Variants in LGR5 observed in about 807,000 individuals in gnomAD.
LGR5 encodes leucine-rich repeat-containing G protein-coupled receptor 5.
LGR5 carries 54 observed loss-of-function variants against 76.7 expected under a neutral mutation model. The observed-to-expected ratio is 0.70, with a 90% CI of 0.57 to 0.88. The LOEUF (loss-of-function observed/expected upper bound fraction) is 0.88. LGR5 is among the 40% of genes least tolerant of loss of function. The pLI, the probability that LGR5 is intolerant of heterozygous loss-of-function variation, is 0.00. For missense variants in LGR5, 1,078 were observed against 1,073.3 expected, an observed-to-expected ratio of 1.00 and a Z score of -0.06; for synonymous variants, 406 against 421.9, an observed-to-expected ratio of 0.96 and a Z score of 0.46.
chr12:71,443,718 T>G (rs1266921467), intron 1 of LGR5, among the ~76,000 whole-genome samples: 1 of 152,198 alleles, frequency 6.6e-6, no homozygotes, highest in Non-Finnish European at 1.5e-5. Flanking sequence ...GTCTGTCTAG[T>G]TAGTGTGACA....
At chr12:71,523,113 C>T (rs1875806068) in intron 2 of LGR5, among the ~76,000 whole-genome samples, 3 of 152,268 alleles carry the variant, frequency 2.0e-5, no homozygotes, top group Admixed American at 6.5e-5. Flanking sequence ...ATAAGCGTAG[C>T]ATTTCTTTAA....
chr12:71,560,288 A>G (rs981002904), intron 7 of LGR5, among the ~76,000 whole-genome samples: 2 of 152,230 alleles, frequency 1.3e-5, no homozygotes, highest in Non-Finnish European at 2.9e-5. Flanking sequence ...CTATATTCTT[A>G]TAATAAAGTA....
At position 71,440,898 on chromosome 12, in the gene LGR5, C is replaced by G. The variant is rs574441847; in HGVS notation, c.212+606C>G. ...TTTTATTTTCTTTCTTTTTTAACGG[C>G]GTGATTAAAATGTGGCAACCACAAA... On this transcript the variant is annotated intron_variant, in intron 1 of 17. Coordinates refer to ENST00000266674, the MANE Select transcript of LGR5 (RefSeq NM_003667.4). The surrounding 1 kb of genome is among the most constrained non-coding windows in gnomAD (Gnocchi z 5.3). Among the ~76,000 whole-genome samples the G allele has an allele frequency of 1.1e-4, 16 of 151,920 alleles. No homozygotes were observed. The highest frequency in any genetic ancestry group is 2.0e-4 in the Admixed American group (3 of 15,262).
intron 11 of LGR5, 138 bp downstream of exon 11, chr12:71,567,050 T>C: frequency 1.4e-6 from 1 of 692,000 alleles, no homozygotes; most frequent in South Asian, 1.6e-5. Context: ...CAAGCCTCCT[T>C]TGCCCTCTTT....
At chr12:71,492,107 A>AT (rs1353071041) in intron 1 of LGR5, among the ~76,000 whole-genome samples, 1 of 151,918 alleles carries the variant, frequency 6.6e-6, no homozygotes, top group Non-Finnish European at 1.5e-5. Context: ...AGGACTTATC[A>AT]TTTTTTCTGT....
Position 71,584,186 on chromosome 12 carries a change from A to G in LGR5, c.2176A>G (p.Met726Val), listed in dbSNP as rs1191918639. ...TGGGGAGCCCAGCACCATGGGCTAC[A>G]TGGTCGCTCTCATCTTGCTCAATTC... The part of the protein sequence containing the change: ...PFGEPSTMGY[M>V]VALILLNSLC... The change falls in exon 18 of 18, where the codon ATG becomes GTG. Residue 726 changes from methionine (M) to valine (V), a missense_variant. By Grantham distance (21) the Met-to-Val change is conservative. Coordinates refer to ENST00000266674, the MANE Select transcript of LGR5 (RefSeq NM_003667.4). 14 of 1,614,116 alleles carry G rather than the reference A, an allele frequency of 8.7e-6. No homozygotes were observed. The highest frequency in any genetic ancestry group is 9.3e-6 in the Non-Finnish European group (11 of 1,180,006).
chr12:71,492,286 T>C (rs1874109637), intron 1 of LGR5, among the ~76,000 whole-genome samples: 1 of 152,176 alleles, frequency 6.6e-6, no homozygotes, highest in Non-Finnish European at 1.5e-5. Flanking sequence ...GTTTTATGTG[T>C]CTTCTTAGGT....
At chr12:71,568,090 C>T (rs752527773) in intron 11 of LGR5, among the ~76,000 whole-genome samples, 17 of 152,216 alleles carry the variant, frequency 1.1e-4, no homozygotes, top group South Asian at 4.1e-4. Context: ...AGAAAACTGG[C>T]GCAGTTATAT....
chr12:71,478,222 A>T (rs1873426504), intron 1 of LGR5, among the ~76,000 whole-genome samples: 1 of 152,222 alleles, frequency 6.6e-6, no homozygotes, highest in Non-Finnish European at 1.5e-5. Flanking sequence ...GTGAATTATT[A>T]TACCTTCAGT....
At chr12:71,531,829 C>T (rs535340030) in intron 3 of LGR5, among the ~76,000 whole-genome samples, 43 of 152,320 alleles carry the variant, frequency 2.8e-4, no homozygotes, top group African/African-American at 1.0e-3. Context: ...GATCGCACCA[C>T]TGCACTCCCG....
chr12:71,491,181 C>T (rs949494122), intron 1 of LGR5, among the ~76,000 whole-genome samples: 35 of 152,296 alleles, frequency 2.3e-4, no homozygotes, highest in African/African-American at 8.2e-4. Flanking sequence ...CTCATTAAAC[C>T]TCTTTTTCTT....
In LGR5 at chr12:71,440,053, C is replaced by T. The variant is rs748575318; in HGVS notation, c.-28C>T. On this transcript the variant is annotated 5_prime_UTR_variant, in exon 1 of 18. Transcript: ENST00000266674. This position sits in a 1 kb window ranked among gnomAD's most constrained non-coding sequence, Gnocchi z 5.3. The stretch of plus-strand genomic sequence containing the variant: ...TCCGGTGCTGCTCTCCGCCCGCGTC[C>T]GGCTCGTGGCCCCCTACTTCGGGCA... 16 of 1,595,318 alleles carry T rather than the reference C, an allele frequency of 1.0e-5. No individual in the cohort carries two copies. The highest frequency in any genetic ancestry group is 5.0e-5 in the Admixed American group (3 of 59,954).
chr12:71,575,661 A>C (rs968896908), intron 13 of LGR5, among the ~76,000 whole-genome samples: 8 of 152,120 alleles, frequency 5.3e-5, no homozygotes, highest in African/African-American at 1.7e-4. Context: ...CAGTGAGCTG[A>C]GATCGCACTA....
chr12:71,476,563 A>G (rs1294621032), intron 1 of LGR5, among the ~76,000 whole-genome samples: 2 of 152,206 alleles, frequency 1.3e-5, no homozygotes. Flanking sequence ...TCAGATATAA[A>G]ACGCCAAAGT....
Position 71,578,909 on chromosome 12 carries a change from T to G in LGR5, c.1386T>G (p.Ser462=). 2.5e-6 allele frequency: 4 copies of G among 1,606,038 alleles called. No homozygotes were observed. The highest frequency in any genetic ancestry group is 3.4e-6 in the Non-Finnish European group (4 of 1,176,544). The change falls in exon 15 of 18, where the codon TCT becomes TCG. Residue 462 remains serine (S), a synonymous_variant. Coordinates refer to ENST00000266674, the MANE Select transcript of LGR5 (RefSeq NM_003667.4). ...GNHALQSLIS[S]ENFPELKVIE... ...ATGCCTTACAGAGCTTGATATCATC[T>G]GAAAACTTTCCAGAACTCAAGTGAG... is the stretch of plus-strand genomic sequence containing the variant.
In LGR5 at chr12:71,440,782, T is replaced by G. The variant is rs1225743475; in HGVS notation, c.212+490T>G. 1.3e-5 allele frequency among the ~76,000 whole-genome samples: 2 copies of G among 152,222 alleles called. No homozygotes were observed. The highest frequency in any genetic ancestry group is 2.9e-5 in the Non-Finnish European group (2 of 68,040). On this transcript the variant is annotated intron_variant, in intron 1 of 17. Coordinates refer to ENST00000266674, the MANE Select transcript of LGR5 (RefSeq NM_003667.4). This position sits in a 1 kb window ranked among gnomAD's most constrained non-coding sequence, Gnocchi z 5.3. ...CAAAGGGTTTTTAGTCTGCATCCCT[T>G]GCACTGTGACGTGATGTAACCTTTT...
At chr12:71,455,327 C>T (rs1321899941) in intron 1 of LGR5, among the ~76,000 whole-genome samples, 1 of 152,140 alleles carries the variant, frequency 6.6e-6, no homozygotes, top group African/African-American at 2.4e-5. Context: ...GTTCTGAAGT[C>T]TCTCCTAATT....
At chr12:71,519,664 A>T (rs922079526) in intron 2 of LGR5, among the ~76,000 whole-genome samples, 2 of 150,114 alleles carry the variant, frequency 1.3e-5, no homozygotes, top group Non-Finnish European at 3.0e-5. Flanking sequence ...AAAAACAAAA[A>T]AAACCACAAA....
rs193208774 is a variant in LGR5 at position 71,575,312 on chromosome 12, C to G, written c.1208+2391C>G. On this transcript the variant is annotated intron_variant, in intron 13 of 17. Coordinates refer to ENST00000266674, the MANE Select transcript of LGR5 (RefSeq NM_003667.4). Reference sequence around the variant, plus strand: ...TATTATTATGAAAATAAGTATATAGCTTTTGAGGGTTCTAGCAAGAAACAG... The same window carrying G: ...TATTATTATGAAAATAAGTATATAGGTTTTGAGGGTTCTAGCAAGAAACAG... Among the ~76,000 whole-genome samples, 281 of 152,192 alleles carry G rather than the reference C, an allele frequency of 1.8e-3. 1 individual carries two copies. Among genetic ancestry groups the G allele is most frequent in the African/African-American group, 6.3e-3 (260 of 41,518 alleles).
Sources: gnomAD v4.1 joint callset for allele counts (sites outside exome capture counted in the v4.1 genomes callset) on GRCh38, gnomAD v4.1.1 for gene constraint, Gnocchi (gnomAD v3.1) non-coding constraint, MANE v1.5 for transcripts, NCBI Gene and HGNC (gene_info 2026-07-23, HGNC 2026-07-21) for gene names.